The following STXBP4 variants were observed in gnomAD, a reference collection of about 807,000 sequenced individuals.
STXBP4 encodes syntaxin binding protein 4.
In STXBP4, 55 loss-of-function variants were observed where a neutral mutation model predicts 76.1. The ratio of observed to expected loss-of-function variants is 0.72; its 90% CI spans 0.58 to 0.91. The LOEUF (loss-of-function observed/expected upper bound fraction) is 0.91, where lower values mean the gene tolerates loss of function less well. STXBP4 is among the 40% of genes least tolerant of loss of function. STXBP4 has a pLI of 0.00. For synonymous variants in STXBP4, 201 were observed against 220.2 expected, an observed-to-expected ratio of 0.91 and a Z score of 0.77; for missense variants, 618 against 636.9, an observed-to-expected ratio of 0.97 and a Z score of 0.32.
chr17:54,986,689 TTC>T (rs1435271413), intron 3 of STXBP4, among the ~76,000 whole-genome samples: 1 of 152,214 alleles, frequency 6.6e-6, no homozygotes, highest in African/African-American at 2.4e-5. Context: ...TTTGTGAGAT[TTC>T]TTTTTTAAAT....
chr17:55,022,639 C>A (rs2078334777), intron 8 of STXBP4, among the ~76,000 whole-genome samples: 1 of 152,126 alleles, frequency 6.6e-6, no homozygotes, highest in South Asian at 2.1e-4. Context: ...GATTGATAGT[C>A]ACGGAAGAGC....
At chr17:54,999,488 A>C (rs1185183983) in intron 5 of STXBP4, 37 bp downstream of exon 5, 1 of 1,538,136 alleles carries the variant, frequency 6.5e-7, no homozygotes, top group Non-Finnish European at 8.9e-7. Flanking sequence ...TGAGTCATTT[A>C]GAATGTCTCC....
chr17:55,015,164 C>T (rs547928297), intron 8 of STXBP4, among the ~76,000 whole-genome samples: 6 of 152,260 alleles, frequency 3.9e-5, no homozygotes, highest in South Asian at 2.1e-4. Flanking sequence ...TCCAGAAAGG[C>T]GGTAGGATTT....
the STXBP4 span, among the ~76,000 whole-genome samples, chr17:55,184,246 C>T: frequency 6.9e-6 from 1 of 145,550 alleles, no homozygotes; most frequent in East Asian, 1.9e-4. Flanking sequence ...AAGTTTGTTA[C>T]ATTCCCAATC....
chr17:55,080,594 G>C (rs1316323880), intron 15 of STXBP4, among the ~76,000 whole-genome samples: 1 of 151,860 alleles, frequency 6.6e-6, no homozygotes, highest in Non-Finnish European at 1.5e-5. Context: ...GCAAAAAATG[G>C]AATAATTTAA....
chr17:55,043,062 A>G (rs2078729942), intron 10 of STXBP4, among the ~76,000 whole-genome samples, 174 bp from the exon 11 acceptor site: 1 of 152,180 alleles, frequency 6.6e-6, no homozygotes, highest in African/African-American at 2.4e-5. Context: ...AAAATGAATG[A>G]AATTGCTTTA....
intron 16 of STXBP4, among the ~76,000 whole-genome samples, chr17:55,104,178 G>A (rs1352266296): frequency 1.3e-5 from 2 of 152,150 alleles, no homozygotes; most frequent in Non-Finnish European, 2.9e-5. Context: ...ATGGGGTGGT[G>A]AGAGACGGCA....
At chr17:55,014,922 T>TTTTGTCCCG (rs1246057839) in intron 8 of STXBP4, among the ~76,000 whole-genome samples, 1 of 152,054 alleles carries the variant, frequency 6.6e-6, no homozygotes, top group African/African-American at 2.4e-5. Flanking sequence ...GGCCTTTTTT[T>TTTTGTCCCG]TTTGTCCCGT....
chr17:55,034,177 A>T lies in STXBP4; in HGVS notation c.773A>T (p.Gln258Leu), dbSNP rs2078559184. The T allele has an allele frequency of 2.5e-6, 4 of 1,612,210 alleles. No individual in the cohort carries two copies. Among genetic ancestry groups the T allele is most frequent in the Non-Finnish European group, 3.4e-6 (4 of 1,178,816 alleles). The change falls in exon 10 of 18, where the codon CAG becomes CTG. Residue 258 changes from glutamine (Q) to leucine (L), a missense_variant. Transcript: ENST00000376352. ...ATGTGTTCCATTTTAGATTTTGTCC[A>T]GGTTGCCAGAAACTTGTTTTGCTTG... ...KGTVSFGDFV[Q>L]VARNLFCLQL...
chr17:55,181,955 G>A, the STXBP4 span, among the ~76,000 whole-genome samples: 7 of 152,272 alleles, frequency 4.6e-5, no homozygotes, highest in East Asian at 9.6e-4. Context: ...GGGTAAAGTG[G>A]AAGATTAACC....
chr17:55,074,718 A>G (rs2079159486), intron 13 of STXBP4, among the ~76,000 whole-genome samples: 1 of 152,128 alleles, frequency 6.6e-6, no homozygotes, highest in East Asian at 1.9e-4. Context: ...TAATTAATTC[A>G]GTTTTTCTCT....
intron 10 of STXBP4, among the ~76,000 whole-genome samples, chr17:55,039,593 G>A (rs1381004856): frequency 6.6e-6 from 1 of 151,944 alleles, no homozygotes; most frequent in Non-Finnish European, 1.5e-5. Context: ...AGATAGTAAA[G>A]AACTAAAGTA....
chr17:55,059,537 C>A lies in STXBP4; in HGVS notation c.1011+12383C>A, dbSNP rs539478822. On this transcript the variant is annotated intron_variant, in intron 12 of 17. Transcript: ENST00000376352. The stretch of plus-strand genomic sequence containing the variant: ...TATAATTAAATTAAAAATTTGGTTC[C>A]TCAGTCAACTAGCTATATTTCAGGT... Among the ~76,000 whole-genome samples, 3 of 152,140 alleles carry A rather than the reference C, an allele frequency of 2.0e-5. No individual in the cohort carries two copies. In the South Asian group the frequency reaches 6.2e-4, roughly 32 times the overall value.
chr17:55,040,381 T>C (rs2078677534), intron 10 of STXBP4, among the ~76,000 whole-genome samples: 1 of 152,038 alleles, frequency 6.6e-6, no homozygotes, highest in African/African-American at 2.4e-5. Flanking sequence ...TTTAGGTGAA[T>C]AGGATGGTAA....
rs912002511 is a variant in STXBP4 at position 55,078,689 on chromosome 17, A to G, written c.1309A>G (p.Ile437Val). The change falls in exon 15 of 18, where the codon ATT (isoleucine) becomes GTT (valine). Residue 437 changes from isoleucine (I) to valine (V), a missense_variant. Transcript: ENST00000376352. The stretch of plus-strand genomic sequence containing the variant: ...TCACCATCTTGTTTGTTGCTAGGCT[A>G]TTCAAGAAGTATTTTCTGATAATTC... ...TEKLLHFVEA[I>V]QEVFSDNSTP... 6.4e-7 allele frequency: 1 copy of G among 1,560,202 alleles called. No homozygotes were observed. The highest frequency in any genetic ancestry group is 8.8e-7 in the Non-Finnish European group (1 of 1,133,758).
At chr17:55,097,390 G>T (rs181883443) in intron 16 of STXBP4, among the ~76,000 whole-genome samples, 22 of 152,196 alleles carry the variant, frequency 1.4e-4, no homozygotes, top group African/African-American at 4.3e-4. Flanking sequence ...TTGACCGGGC[G>T]CGGTGGCTCA....
intron 12 of STXBP4, among the ~76,000 whole-genome samples, chr17:55,069,942 C>CTT (rs532208049): frequency 6.9e-6 from 1 of 145,428 alleles, no homozygotes; most frequent in Middle Eastern, 3.4e-3. Flanking sequence ...TCTTTAGAGT[C>CTT]TTTTTTTTTT....
the STXBP4 span, among the ~76,000 whole-genome samples, chr17:55,212,622 A>G: frequency 6.6e-6 from 1 of 152,068 alleles, no homozygotes; most frequent in Non-Finnish European, 1.5e-5. Flanking sequence ...ATTCCTAGGT[A>G]TTTGCTAGCT....
chr17:54,997,033 G>A (rs1386175916), intron 4 of STXBP4, among the ~76,000 whole-genome samples: 1 of 152,204 alleles, frequency 6.6e-6, no homozygotes, highest in Non-Finnish European at 1.5e-5. Context: ...CCCATGTCAG[G>A]TAGTTGCTCT....
Sources: allele counts gnomAD v4.1 joint callset (sites outside exome capture counted in the v4.1 genomes callset), GRCh38; gene constraint gnomAD v4.1.1; transcripts MANE v1.5; gene names NCBI Gene and HGNC (gene_info 2026-07-23, HGNC 2026-07-21).